UBAP1: variants seen among roughly 807,000 people sequenced by gnomAD.
The protein encoded by UBAP1 is ubiquitin associated protein 1.
UBAP1 carries 5 observed loss-of-function variants against 39.0 expected under a neutral mutation model. The observed-to-expected ratio is 0.13, with a 90% confidence interval of 0.07 to 0.27. UBAP1 has a LOEUF of 0.27. UBAP1 is among the 10% of genes least tolerant of loss of function. UBAP1 has a pLI of 1.00. For synonymous variants in UBAP1, 211 were observed against 225.1 expected (o/e 0.94, Z 0.56); for missense variants, 490 against 608.1 (o/e 0.81, Z 2.04).
chr9:34,224,134 G>A, intron 2 of UBAP1: 2 of 731,468 alleles, frequency 2.7e-6, no homozygotes, highest in Non-Finnish European at 4.3e-6. Flanking sequence ...CCAGGAGACT[G>A]CTGATTTTGG....
intron 1 of UBAP1, chr9:34,206,323 G>A (rs1227191348): frequency 6.6e-6 from 1 of 152,082 alleles, no homozygotes; most frequent in East Asian, 1.9e-4. Context: ...ATAAGACTAA[G>A]CCTGAGCCAA....
intron 1 of UBAP1, among the ~76,000 whole-genome samples, chr9:34,180,292 G>C (rs1167182912): frequency 6.6e-6 from 1 of 152,082 alleles, no homozygotes; most frequent in Non-Finnish European, 1.5e-5. Context: ...CGAGGCGGGC[G>C]GATCACGAGG....
At position 34,182,681 on chromosome 9, in the gene UBAP1, T is replaced by TTCTCTCTCTC. The variant is rs1437312393; in HGVS notation, c.-8+3443_-8+3452dup. On this transcript the variant is annotated intron_variant, in intron 1 of 6. Coordinates refer to ENST00000297661, the MANE Select transcript of UBAP1 (RefSeq NM_016525.5). ...TTTCTTTCTTTCTTTCTTTCTTTCT[T>TTCTCTCTCTC]TCTCTCTCTCTTTCTTTTCTTTTCT... is the stretch of plus-strand genomic sequence containing the variant. Among the ~76,000 whole-genome samples the TTCTCTCTCTC allele has an allele frequency of 3.7e-3, 423 of 115,554 alleles. 12 individuals are homozygous for TTCTCTCTCTC. Among genetic ancestry groups the TTCTCTCTCTC allele is most frequent in the South Asian group, 9.9e-3 (32 of 3,234 alleles). The allele number at this position is 115,554 out of a possible 152,430, so 75.8% of individuals were successfully genotyped here.
chr9:34,212,728 A>AC (rs1426792204), intron 1 of UBAP1, among the ~76,000 whole-genome samples: 6 of 14,988 alleles, frequency 4.0e-4, no homozygotes, highest in Non-Finnish European at 2.0e-3. Context: ...AAAATTACCA[A>AC]CAAAAAAGTC....
At chr9:34,192,544 C>T (rs1223167943) in intron 1 of UBAP1, among the ~76,000 whole-genome samples, 6 of 147,084 alleles carry the variant, frequency 4.1e-5, no homozygotes, top group Non-Finnish European at 7.5e-5. Context: ...AAAAGATCTA[C>T]ACTTCTAGTT....
At chr9:34,192,581 C>T (rs930205235) in intron 1 of UBAP1, among the ~76,000 whole-genome samples, 2 of 149,376 alleles carry the variant, frequency 1.3e-5, no homozygotes, top group African/African-American at 4.9e-5. Context: ...AAACCAATCT[C>T]TCTCAGCCTT....
chr9:34,212,228 T>G (rs1338100461), intron 1 of UBAP1, among the ~76,000 whole-genome samples: 1 of 152,098 alleles, frequency 6.6e-6, no homozygotes, highest in Admixed American at 6.6e-5. Context: ...CATAAGGCAA[T>G]TTAATTTAAT....
At chr9:34,186,830 T>A (rs1292888083) in intron 1 of UBAP1, among the ~76,000 whole-genome samples, 3 of 152,182 alleles carry the variant, frequency 2.0e-5, no homozygotes, top group African/African-American at 4.8e-5. Flanking sequence ...CATAGTCTTC[T>A]GGTGAGAAAA....
chr9:34,212,452 T>C (rs10972002), intron 1 of UBAP1, among the ~76,000 whole-genome samples: 57,994 of 150,928 alleles, frequency 0.38, 12,099 homozygotes, highest in East Asian at 0.89. Flanking sequence ...ATTTATTATA[T>C]GCTTTTTAAA....
At chr9:34,189,395 G>C (rs1462549634) in intron 1 of UBAP1, among the ~76,000 whole-genome samples, 3 of 151,450 alleles carry the variant, frequency 2.0e-5, no homozygotes. Flanking sequence ...CACCATGTTG[G>C]CTAGGCTGGT....
intron 1 of UBAP1, chr9:34,212,061 TA>T (rs1261793236): frequency 2.5e-6 from 1 of 402,164 alleles, no homozygotes; most frequent in Admixed American, 2.9e-5. Context: ...GAATATGTTT[TA>T]TTGTTATTTT....
intron 4 of UBAP1, among the ~76,000 whole-genome samples, chr9:34,245,621 G>A (rs1318708952): frequency 1.1e-3 from 25 of 22,364 alleles, no homozygotes; most frequent in Non-Finnish European, 2.2e-3. Context: ...CCATTTTCTG[G>A]AGACTATACC....
Position 34,244,416 on chromosome 9 carries a change from GCAC to G in UBAP1, c.1083+2312_1083+2314del, listed in dbSNP as rs201685469. ...CTGAACGGTACTCCATTGTGTACGA[GCAC>G]CACATTTTTTTAATCCATCCTTGTT... On this transcript the variant is annotated intron_variant, in intron 4 of 6. Transcript: ENST00000297661. Among the ~76,000 whole-genome samples, 462 of 121,558 alleles carry G rather than the reference GCAC, an allele frequency of 3.8e-3. 8 individuals are homozygous for G. Among genetic ancestry groups the G allele is most frequent in the African/African-American group, 0.014 (435 of 30,914 alleles). 79.7% of individuals were successfully genotyped at this position (121,558 alleles called of 152,430 possible).
intron 1 of UBAP1, among the ~76,000 whole-genome samples, chr9:34,198,596 GGGT>G (rs1323249496): frequency 4.6e-5 from 7 of 152,184 alleles, no homozygotes; most frequent in Non-Finnish European, 8.8e-5. Flanking sequence ...CTCTCTGGTT[GGGT>G]GAGGCCACTG....
chr9:34,233,546 G>A (rs1833538933), intron 2 of UBAP1, among the ~76,000 whole-genome samples: 1 of 152,134 alleles, frequency 6.6e-6, no homozygotes, highest in South Asian at 2.1e-4. Context: ...ATTAAATGCT[G>A]ATGTGTGCCA....
chr9:34,241,689 A>G lies in UBAP1; in HGVS notation c.664A>G (p.Thr222Ala), dbSNP rs1400711204. 1 of 1,613,944 alleles carries G rather than the reference A, an allele frequency of 6.2e-7. No individual in the cohort carries two copies. Among genetic ancestry groups the G allele is most frequent in the Middle Eastern group, 1.6e-4 (1 of 6,062 alleles). Residue 222 changes from threonine (T) to alanine (A), a missense_variant, in exon 4 of 7, where the codon ACC becomes GCC. Around this residue, in one of 3 missense-constraint regions of UBAP1, gnomAD observed 339 missense variants for 390.0 expected, o/e 0.87. Coordinates refer to ENST00000297661, the MANE Select transcript of UBAP1 (RefSeq NM_016525.5). ...EEVLASLERA[T>A]LDFKPLHKPN... is the part of the protein sequence containing the mutation. ...GGTCCTGGCATCCTTGGAACGGGCA[A>G]CCCTAGATTTCAAGCCTCTTCATAA...
chr9:34,250,520 C>A (rs963360900), intron 5 of UBAP1, 138 bp from the exon 6 acceptor site: 1 of 591,022 alleles, frequency 1.7e-6, no homozygotes, highest in Non-Finnish European at 3.0e-6. Context: ...ACAGTCAAGG[C>A]ACAAAATCAA....
intron 2 of UBAP1, among the ~76,000 whole-genome samples, chr9:34,226,326 G>A (rs973513498): frequency 6.0e-5 from 9 of 149,670 alleles, no homozygotes; most frequent in Non-Finnish European, 1.3e-4. Flanking sequence ...GCCTCCTCAA[G>A]CAATTGCTCA....
In UBAP1 at chr9:34,181,116, C is replaced by CTTTTTTTTTTTTTTTTTT. The variant is rs67856544; in HGVS notation, c.-8+1893_-8+1894insTTTTTTTTTTTTTTTTTT. The stretch of plus-strand genomic sequence containing the variant: ...TGAGCCACCGCACCCGGCCTGTTTT[C>CTTTTTTTTTTTTTTTTTT]TTTTTTTTTTTTTTTTTGAGACAGA... On this transcript the variant is annotated intron_variant, in intron 1 of 6. Coordinates refer to ENST00000297661, the MANE Select transcript of UBAP1 (RefSeq NM_016525.5). Among the ~76,000 whole-genome samples the CTTTTTTTTTTTTTTTTTT allele has an allele frequency of 1.1e-4, 8 of 72,272 alleles. 1 individual carries two copies. Among genetic ancestry groups the CTTTTTTTTTTTTTTTTTT allele is most frequent in the Non-Finnish European group, 1.8e-4 (7 of 39,224 alleles). 47.4% of individuals were successfully genotyped at this position (72,272 alleles called of 152,430 possible). A position where few individuals can be genotyped will look rare whatever the true frequency, so the allele number is the denominator to read the frequency against.
Sources: gnomAD v4.1 joint callset for allele counts (sites outside exome capture counted in the v4.1 genomes callset) on GRCh38, gnomAD v4.1.1 for gene constraint, gnomAD v4.1.1 regional missense constraint, MANE v1.5 for transcripts, NCBI Gene and HGNC (gene_info 2026-07-23, HGNC 2026-07-21) for gene names.